The following PIK3C2G variants were observed in gnomAD, a reference collection of about 807,000 sequenced individuals.
PIK3C2G encodes the protein phosphatidylinositol 3-kinase C2 domain-containing subunit gamma.
In PIK3C2G, 168 loss-of-function variants were observed where a neutral mutation model predicts 181.1. That is an observed-to-expected ratio of 0.93 (90% CI 0.82 to 1.05). PIK3C2G has a LOEUF of 1.05. Among genes scored for constraint, PIK3C2G ranks in the 50% least tolerant of loss-of-function variants. PIK3C2G has a pLI of 0.00. For missense variants in PIK3C2G, 1,869 were observed against 1,732.8 expected (o/e 1.08, Z -1.40); for synonymous variants, 573 against 592.2 (o/e 0.97, Z 0.47).
downstream of PIK3C2G, among the ~76,000 whole-genome samples, chr12:18,653,086 A>C (rs1021837863): frequency 6.6e-6 from 1 of 152,070 alleles, no homozygotes; most frequent in Non-Finnish European, 1.5e-5. Context: ...AAGACATCTC[A>C]AAAAGCACAG....
chr12:18,362,874 A>C lies in PIK3C2G; in HGVS notation c.1736A>C (p.Asn579Thr), dbSNP rs757053242. 1 of 1,506,726 alleles carries C rather than the reference A, an allele frequency of 6.6e-7. No individual in the cohort carries two copies. Among genetic ancestry groups the C allele is most frequent in the South Asian group, 1.3e-5 (1 of 79,146 alleles). The allele number at this position is 1,506,726 out of a possible 1,614,324, so 93.3% of individuals were successfully genotyped here. A position where few individuals can be genotyped will look rare whatever the true frequency, so the allele number is the denominator to read the frequency against. Residue 579 changes from asparagine (N) to threonine (T), a missense_variant, in exon 12 of 33, where the codon AAC (asparagine) becomes ACC (threonine). Asn to Thr is a moderately conservative substitution (Grantham distance 65). Transcript: ENST00000538779. ...PDKKLFFFLV[N>T]WNETINFPLE... ...AAGAAATTATTTTTTTTCTTGGTCA[A>C]CTGGAATGAAACGTAAGTTTAATCT...
chr12:18,641,884 A>G (rs600955), intron 32 of PIK3C2G, among the ~76,000 whole-genome samples: 112,009 of 151,730 alleles, frequency 0.74, 41,631 homozygotes, highest in East Asian at 0.92. Flanking sequence ...CGAGTAACTG[A>G]GATTACAAGC....
the PIK3C2G span, chr12:18,696,274 A>G: frequency 7.4e-7 from 1 of 1,345,562 alleles, no homozygotes; most frequent in Non-Finnish European, 1.0e-6. Context: ...GGACTGAAAA[A>G]GAATAATTAA....
At chr12:18,547,672 A>C (rs532156881) in intron 26 of PIK3C2G, among the ~76,000 whole-genome samples, 2 of 151,962 alleles carry the variant, frequency 1.3e-5, no homozygotes, top group South Asian at 2.1e-4. Flanking sequence ...AACAAAAAAA[A>C]CCCTGCCTTC....
intron 28 of PIK3C2G, among the ~76,000 whole-genome samples, chr12:18,566,730 ATTAAATTAAG>A (rs992566338): frequency 6.6e-6 from 1 of 152,172 alleles, no homozygotes; most frequent in African/African-American, 2.4e-5. Context: ...AATGTGTCAA[ATTAAATTAAG>A]TTAGTATTAA....
At chr12:18,244,480 A>C (rs1398887600), upstream of PIK3C2G, among the ~76,000 whole-genome samples, 6 of 152,058 alleles carry the variant, frequency 3.9e-5, no homozygotes, top group South Asian at 1.2e-3. Context: ...CTTTTGGTAG[A>C]ATTCTGAGCT....
chr12:18,725,262 G>C, the PIK3C2G span, among the ~76,000 whole-genome samples: 1 of 152,030 alleles, frequency 6.6e-6, no homozygotes, highest in African/African-American at 2.4e-5. Flanking sequence ...AAAGCAGGAC[G>C]TGGTAGCATC....
the PIK3C2G span, chr12:18,699,708 T>C: frequency 4.5e-5 from 60 of 1,344,672 alleles, no homozygotes; most frequent in Non-Finnish European, 6.1e-5. Context: ...ATATACATTT[T>C]ATAAATATCA....
intron 11 of PIK3C2G, among the ~76,000 whole-genome samples, chr12:18,357,410 C>A (rs559537843): frequency 6.6e-6 from 1 of 151,972 alleles, no homozygotes; most frequent in South Asian, 2.1e-4. Context: ...AGAACTGCTG[C>A]GAAATATTAG....
intron 29 of PIK3C2G, among the ~76,000 whole-genome samples, chr12:18,585,623 G>C (rs183354470): frequency 1.3e-5 from 2 of 152,120 alleles, no homozygotes; most frequent in African/African-American, 4.8e-5. Context: ...TCCACTGACA[G>C]TACTAGACAG....
chr12:18,340,895 G>T (rs1358282275), intron 9 of PIK3C2G, among the ~76,000 whole-genome samples: 1 of 151,990 alleles, frequency 6.6e-6, no homozygotes, highest in Non-Finnish European at 1.5e-5. Context: ...CCAATATGAA[G>T]GCTTTAATTC....
At position 18,391,205 on chromosome 12, in the gene PIK3C2G, G is replaced by C; in HGVS notation, c.2079G>C (p.Glu693Asp). ...GTAATCTTGAAGAGCCACTAAAGGA[G>C]TGTATAAAACATATTGCCAGACTTT... ...NRSNLEEPLK[E>D]CIKHIARLSQ... is the part of the protein sequence containing the mutation. Residue 693 changes from glutamate (E) to aspartate (D), a missense_variant, in exon 15 of 33, where the codon GAG becomes GAC. Coordinates refer to ENST00000538779, the MANE Select transcript of PIK3C2G (RefSeq NM_001288772.2). 1 of 1,609,050 alleles carries C rather than the reference G, an allele frequency of 6.2e-7. No individual in the cohort carries two copies. Among genetic ancestry groups the C allele is most frequent in the Non-Finnish European group, 8.5e-7 (1 of 1,177,128 alleles).
intron 18 of PIK3C2G, among the ~76,000 whole-genome samples, chr12:18,476,900 C>T (rs1389276065): frequency 2.0e-5 from 3 of 151,760 alleles, no homozygotes; most frequent in African/African-American, 4.8e-5. Flanking sequence ...AAGTTGGAAA[C>T]TGTATCAGTC....
chr12:18,282,776 T>C lies in PIK3C2G; in HGVS notation c.678+17T>C. The C allele has an allele frequency of 1.4e-6, 2 of 1,450,318 alleles. No homozygotes were observed. Among genetic ancestry groups the C allele is most frequent in the South Asian group, 1.3e-5 (1 of 76,442 alleles). The allele number at this position is 1,450,318 out of a possible 1,614,324, so 89.8% of individuals were successfully genotyped here. A position where few individuals can be genotyped will look rare whatever the true frequency, so the allele number is the denominator to read the frequency against. On this transcript the variant is annotated intron_variant, in intron 2 of 32. Transcript: ENST00000538779. ...AATATAGAGGTAAGTATAATACATGTCAATGTAAAAATATGAATCTGAAAG... is the reference window on the plus strand; with the variant it reads ...AATATAGAGGTAAGTATAATACATGCCAATGTAAAAATATGAATCTGAAAG...
chr12:18,313,031 C>CT (rs1286617679), intron 5 of PIK3C2G, among the ~76,000 whole-genome samples: 3 of 151,936 alleles, frequency 2.0e-5, no homozygotes, highest in Non-Finnish European at 4.4e-5. Context: ...ATCTAATATA[C>CT]TTTTTTCCTC....
chr12:18,544,515 A>T (rs551109374), intron 25 of PIK3C2G, among the ~76,000 whole-genome samples: 1 of 151,978 alleles, frequency 6.6e-6, no homozygotes, highest in Admixed American at 6.6e-5. Context: ...GATAATTACA[A>T]TGAAAAGGGG....
rs116773316 is a variant in PIK3C2G, at chr12:18,572,477, G to A, written c.4011+5420G>A. Among the ~76,000 whole-genome samples the A allele has an allele frequency of 6.1e-3, 914 of 150,516 alleles. 7 individuals carry two copies. The highest frequency in any genetic ancestry group is 0.021 in the African/African-American group (868 of 41,274). ...CATATATCTGCTGATATATATAAAT[G>A]TAATCTGCTGATATATATAAATATA... On this transcript the variant is annotated intron_variant, in intron 29 of 32. Coordinates refer to ENST00000538779, the MANE Select transcript of PIK3C2G (RefSeq NM_001288772.2).
chr12:18,710,718 A>G, the PIK3C2G span, among the ~76,000 whole-genome samples: 69,795 of 152,002 alleles, frequency 0.46, 17,982 homozygotes, highest in South Asian at 0.62. Context: ...AATTCAGGAT[A>G]CATTTTAAAA....
intron 11 of PIK3C2G, 124 bp from the exon 12 acceptor site, chr12:18,362,640 C>A (rs538054652): frequency 4.5e-6 from 3 of 661,628 alleles, no homozygotes; most frequent in Admixed American, 7.7e-5. Flanking sequence ...ATTTTTAAAG[C>A]ATGCTTTATG....
Sources: gnomAD v4.1 joint callset for allele counts (sites outside exome capture counted in the v4.1 genomes callset) on GRCh38, gnomAD v4.1.1 for gene constraint, MANE v1.5 for transcripts, NCBI Gene and HGNC (gene_info 2026-07-23, HGNC 2026-07-21) for gene names.